Variants in LYST observed in about 807,000 individuals in gnomAD.
The protein encoded by LYST is lysosomal-trafficking regulator.
LYST carries 192 observed loss-of-function variants against 413.6 expected under a neutral mutation model. That is an observed-to-expected ratio of 0.46 (90% CI 0.41 to 0.52). The LOEUF is 0.52. Among genes scored for constraint, LYST ranks in the 20% least tolerant of loss-of-function variants. The pLI is 0.00. For missense variants in LYST, 3,815 were observed against 4,499.9 expected (o/e 0.85, Z 4.35); for synonymous variants, 1,525 against 1,567.3 (o/e 0.97, Z 0.64).
intron 1 of LYST, among the ~76,000 whole-genome samples, chr1:235,838,109 A>G (rs540075522): frequency 3.3e-5 from 5 of 152,324 alleles, no homozygotes; most frequent in African/African-American, 1.2e-4. Flanking sequence ...ATTTGGCAAT[A>G]GGAGGACCAA....
intron 1 of LYST, among the ~76,000 whole-genome samples, chr1:235,846,561 A>C (rs546523817): frequency 6.6e-6 from 1 of 152,284 alleles, no homozygotes; most frequent in East Asian, 1.9e-4. Flanking sequence ...AGGAGGTTAG[A>C]TATTAAGCTA....
At chr1:235,679,306 C>T (rs1659626760) in intron 48 of LYST, among the ~76,000 whole-genome samples, 1 of 152,064 alleles carries the variant, frequency 6.6e-6, no homozygotes, top group Non-Finnish European at 1.5e-5. Context: ...TACCCATAAC[C>T]CATTTCAGAT....
chr1:235,831,256 A>G (rs1287568518), intron 2 of LYST, among the ~76,000 whole-genome samples: 1 of 152,176 alleles, frequency 6.6e-6, no homozygotes, highest in East Asian at 1.9e-4. Context: ...GTCCCTGCTG[A>G]GAGGGCAGTG....
chr1:235,828,892 T>C (rs1675628605), intron 3 of LYST: 4 of 900,092 alleles, frequency 4.4e-6, no homozygotes, highest in Non-Finnish European at 5.3e-6. Context: ...ACAAATCACA[T>C]TCATGAAAAA....
intron 48 of LYST, among the ~76,000 whole-genome samples, chr1:235,681,185 T>C (rs1237954337): frequency 6.6e-6 from 1 of 152,070 alleles, no homozygotes; most frequent in African/African-American, 2.4e-5. Flanking sequence ...GAACTGAAGT[T>C]TTGAAGAACT....
At chr1:235,771,917 G>GGTTTT (rs1553291134) in intron 19 of LYST, among the ~76,000 whole-genome samples, 2 of 72,728 alleles carry the variant, frequency 2.7e-5, no homozygotes, top group African/African-American at 1.1e-4. Flanking sequence ...TTTTTAGTTT[G>GGTTTT]TTTTTTTTTT....
In LYST at chr1:235,854,152, G is replaced by C. The variant is rs1678896009; in HGVS notation, c.-98+12691C>G. Among the ~76,000 whole-genome samples, 2 of 152,268 alleles carry C rather than the reference G, an allele frequency of 1.3e-5. No individual in the cohort carries two copies. The highest frequency in any genetic ancestry group is 1.3e-4 in the Admixed American group (2 of 15,306). On this transcript the variant is annotated intron_variant, in intron 1 of 52. Coordinates refer to ENST00000389793, the MANE Select transcript of LYST (RefSeq NM_000081.4). This position sits in a 1 kb window ranked among gnomAD's most constrained non-coding sequence, Gnocchi z 4.1. ...GATGATAATCTGGCTAACACCTACAGTGATTAATTACTACACATCAGGCAC... is the reference window on the plus strand; with the variant it reads ...GATGATAATCTGGCTAACACCTACACTGATTAATTACTACACATCAGGCAC...
chr1:235,793,664 T>A lies in LYST; in HGVS notation c.4007-52A>T, dbSNP rs779797182. On this transcript the variant is annotated intron_variant, in intron 10 of 52. Coordinates refer to ENST00000389793, the MANE Select transcript of LYST (RefSeq NM_000081.4). Reference sequence around the variant, plus strand: ...TAAAGCTAGTACACAATTAGAGGAATAAATGAGCAATTTCACCAAAAGAGG... The same window carrying A: ...TAAAGCTAGTACACAATTAGAGGAAAAAATGAGCAATTTCACCAAAAGAGG... The A allele has an allele frequency of 1.8e-5, 16 of 913,710 alleles. No homozygotes were observed. The East Asian group carries it at 3.9e-4, about 22-fold the overall frequency. 56.6% of individuals were successfully genotyped at this position (913,710 alleles called of 1,614,324 possible).
chr1:235,744,525 G>C (rs3768056), intron 29 of LYST, among the ~76,000 whole-genome samples: 26 of 152,104 alleles, frequency 1.7e-4, no homozygotes, highest in African/African-American at 5.8e-4. Context: ...ATACATTTAC[G>C]TGCTGTATAT....
At position 235,733,597 on chromosome 1, in the gene LYST, T is replaced by C; in HGVS notation, c.8707A>G (p.Lys2903Glu). Residue 2903 changes from lysine (K) to glutamate (E), a missense_variant, in exon 34 of 53, where the codon AAA (lysine) becomes GAA (glutamate). Around this residue, in one of 4 missense-constraint regions of LYST, gnomAD observed 866 missense variants for 1,156.0 expected, o/e 0.75. Transcript: ENST00000389793. ...AVSLSQGNER[K>E]KVIQHIRGMY... ...CCTCTAATATGCTGGATCACCTTTT[T>C]TCTCTCATTTCCTTGGGAGAGAGAC... is the stretch of plus-strand genomic sequence containing the variant. 6.2e-7 allele frequency: 1 copy of C among 1,613,734 alleles called. No homozygotes were observed. The highest frequency in any genetic ancestry group is 8.5e-7 in the Non-Finnish European group (1 of 1,179,680).
chr1:235,835,987 TATTCGTAG>T (rs1316859366), intron 1 of LYST, among the ~76,000 whole-genome samples: 1 of 152,228 alleles, frequency 6.6e-6, no homozygotes, highest in Admixed American at 6.5e-5. Context: ...GCCCCAACGA[TATTCGTAG>T]AATTTTTATA....
intron 22 of LYST, among the ~76,000 whole-genome samples, chr1:235,761,616 G>C (rs921484809): frequency 1.3e-5 from 2 of 152,030 alleles, no homozygotes; most frequent in Non-Finnish European, 2.9e-5. Context: ...ACTGAGGCGA[G>C]GTTAGCATTT....
At chr1:235,827,644 T>C (rs1454148144) in intron 3 of LYST, 1 of 984,866 alleles carries the variant, frequency 1.0e-6, no homozygotes, top group Non-Finnish European at 1.2e-6. Flanking sequence ...ATGTTTTAAA[T>C]GGCTATTTAT....
intron 50 of LYST, among the ~76,000 whole-genome samples, chr1:235,671,494 C>T (rs1205171031): frequency 6.6e-6 from 1 of 152,046 alleles, no homozygotes; most frequent in Non-Finnish European, 1.5e-5. Context: ...CCCACTGGGA[C>T]AGAATGTGGG....
chr1:235,757,694 A>G (rs1667172869), intron 23 of LYST, among the ~76,000 whole-genome samples: 1 of 152,224 alleles, frequency 6.6e-6, no homozygotes, highest in Non-Finnish European at 1.5e-5. Context: ...GATGTCTAAT[A>G]CAGTAGTCAC....
At chr1:235,861,659 T>G (rs1267728059) in intron 1 of LYST, among the ~76,000 whole-genome samples, 2 of 152,196 alleles carry the variant, frequency 1.3e-5, no homozygotes, top group African/African-American at 4.8e-5. Flanking sequence ...TATATATGTT[T>G]TGTTTGTTTG....
chr1:235,720,854 G>A lies in LYST; in HGVS notation c.9367C>T (p.Leu3123=). The stretch of plus-strand genomic sequence containing the variant: ...AGAGCGGTGATGTTACCATATTCCA[G>A]AAGATTAGGGAGGTTATTTGTGAGT... The part of the protein sequence containing the change: ...NILTNNLPNL[L]EYGNITALTN... Residue 3123 remains leucine, a synonymous_variant, in exon 40 of 53, where the codon CTG becomes TTG. Coordinates refer to ENST00000389793, the MANE Select transcript of LYST (RefSeq NM_000081.4). The A allele has an allele frequency of 1.2e-6, 2 of 1,613,534 alleles. No homozygotes were observed. The highest frequency in any genetic ancestry group is 1.7e-6 in the Non-Finnish European group (2 of 1,179,492).
intron 50 of LYST, among the ~76,000 whole-genome samples, chr1:235,667,120 T>C (rs886156961): frequency 3.3e-5 from 5 of 152,206 alleles, no homozygotes; most frequent in Non-Finnish European, 5.9e-5. Context: ...CAATACCAGA[T>C]TGCTCGAATG....
Position 235,787,390 on chromosome 1 carries a change from A to G in LYST, c.4689-17T>C. The G allele has an allele frequency of 1.9e-6, 3 of 1,610,640 alleles. No homozygotes were observed. The highest frequency in any genetic ancestry group is 2.5e-6 in the Non-Finnish European group (3 of 1,177,190). On this transcript the variant is annotated splice_polypyrimidine_tract_variant and intron_variant, in intron 13 of 52. Coordinates refer to ENST00000389793, the MANE Select transcript of LYST (RefSeq NM_000081.4). ...ATGCACACACTACAGAAAAAGAGAA[A>G]AGGCATAGGCTGAAAACATGAAAAT...
Sources: allele counts gnomAD v4.1 joint callset (sites outside exome capture counted in the v4.1 genomes callset), GRCh38; gene constraint gnomAD v4.1.1; regional missense constraint gnomAD v4.1.1; non-coding constraint Gnocchi (gnomAD v3.1); transcripts MANE v1.5; gene names NCBI Gene and HGNC (gene_info 2026-07-23, HGNC 2026-07-21).